The following TLK1 variants were observed in gnomAD, a reference collection of about 807,000 sequenced individuals.
The protein encoded by TLK1 is serine/threonine-protein kinase tousled-like 1.
A neutral mutation model predicts 105.3 loss-of-function variants in TLK1; 24 were observed. The observed-to-expected ratio is 0.23, with a 90% CI of 0.17 to 0.32. The LOEUF is 0.32. Among genes scored for constraint, TLK1 ranks in the 10% least tolerant of loss-of-function variants. The pLI, the probability that TLK1 is intolerant of heterozygous loss-of-function variation, is 1.00. For synonymous variants in TLK1, 321 were observed against 310.4 expected (o/e 1.03, Z -0.36); for missense variants, 558 against 910.5 (o/e 0.61, Z 4.98).
At chr2:171,161,148 G>T (rs1357224323), upstream of TLK1, among the ~76,000 whole-genome samples, 1 of 148,008 alleles carries the variant, frequency 6.8e-6, no homozygotes, top group Non-Finnish European at 1.5e-5. Context: ...CGGGGTTGCC[G>T]GACTCGCGTG....
intron 11 of TLK1, among the ~76,000 whole-genome samples, chr2:171,041,590 A>G (rs919088512): frequency 6.6e-6 from 1 of 152,200 alleles, no homozygotes; most frequent in Non-Finnish European, 1.5e-5. Flanking sequence ...TGAACTGCGC[A>G]TGCAAGGGAT....
intron 1 of TLK1, among the ~76,000 whole-genome samples, chr2:171,136,571 G>A (rs553368303): frequency 2.6e-5 from 4 of 152,150 alleles, no homozygotes; most frequent in Non-Finnish European, 4.4e-5. Context: ...GGACAAGACA[G>A]GACAGGAAAG....
intron 12 of TLK1, among the ~76,000 whole-genome samples, chr2:171,025,798 T>C (rs560826527): frequency 6.6e-5 from 10 of 152,242 alleles, no homozygotes; most frequent in Non-Finnish European, 1.2e-4. Context: ...ATGTAACTTA[T>C]TGCTTATTAT....
chr2:171,192,123 G>T (rs1437162736), intron 1 of TLK1, among the ~76,000 whole-genome samples: 1 of 151,988 alleles, frequency 6.6e-6, no homozygotes. Context: ...TGACCTCCCG[G>T]GCCCAGGTGA....
At chr2:171,188,744 G>T (rs1693085706) in intron 1 of TLK1, among the ~76,000 whole-genome samples, 2 of 150,512 alleles carry the variant, frequency 1.3e-5, no homozygotes, top group Admixed American at 6.6e-5. Flanking sequence ...GTAGGACGTG[G>T]TGGCACGTGG....
At chr2:171,198,384 T>C (rs1404144319) in intron 1 of TLK1, among the ~76,000 whole-genome samples, 2 of 152,230 alleles carry the variant, frequency 1.3e-5, no homozygotes, top group Non-Finnish European at 1.5e-5. Flanking sequence ...TGGTTCAACA[T>C]GGCCACTATA....
chr2:171,219,039 T>C (rs1323556623), intron 1 of TLK1, among the ~76,000 whole-genome samples: 1 of 152,168 alleles, frequency 6.6e-6, no homozygotes, highest in African/African-American at 2.4e-5. Context: ...AAGATCACAA[T>C]GATAGATTCA....
At chr2:171,109,346 TAAAAA>T (rs1405906142) in intron 2 of TLK1, among the ~76,000 whole-genome samples, 1 of 152,146 alleles carries the variant, frequency 6.6e-6, no homozygotes, top group African/African-American at 2.4e-5. Context: ...ACCCTTGTGT[TAAAAA>T]GGAAACAAAG....
At chr2:171,218,170 C>G (rs1326037512) in intron 1 of TLK1, among the ~76,000 whole-genome samples, 2 of 152,148 alleles carry the variant, frequency 1.3e-5, no homozygotes, top group African/African-American at 4.8e-5. Context: ...AGGAGAATTG[C>G]TTAAACCCAG....
At chr2:171,080,954 C>T (rs1444026164) in intron 3 of TLK1, among the ~76,000 whole-genome samples, 1 of 152,112 alleles carries the variant, frequency 6.6e-6, no homozygotes, top group Non-Finnish European at 1.5e-5. Context: ...AGCAATCCTG[C>T]CTAGGCCTCC....
At chr2:171,096,918 T>C (rs1019158204) in intron 2 of TLK1, among the ~76,000 whole-genome samples, 1 of 152,194 alleles carries the variant, frequency 6.6e-6, no homozygotes, top group African/African-American at 2.4e-5. Context: ...CAAAGTGATC[T>C]ACAGATTCAG....
intron 2 of TLK1, among the ~76,000 whole-genome samples, chr2:171,092,514 A>C (rs1363117179): frequency 6.6e-6 from 1 of 152,198 alleles, no homozygotes; most frequent in African/African-American, 2.4e-5. Flanking sequence ...CATCTCCCCA[A>C]ATATCTCTTT....
Position 171,072,342 on chromosome 2 carries a change from G to A in TLK1, c.330+10439C>T, listed in dbSNP as rs1376162380. On this transcript the variant is annotated intron_variant, in intron 3 of 20. Transcript: ENST00000431350. Reference sequence around the variant, plus strand: ...TGAGTAATGTCTAAAAGCTGGGTGCGGTGGCTCACGCCCATAATCTCAGCA... The same window carrying A: ...TGAGTAATGTCTAAAAGCTGGGTGCAGTGGCTCACGCCCATAATCTCAGCA... Among the ~76,000 whole-genome samples the A allele has an allele frequency of 5.3e-5, 8 of 152,216 alleles. No homozygotes were observed. In the East Asian group the frequency reaches 5.8e-4, roughly 11 times the overall value.
At chr2:171,107,473 T>C (rs1326569024) in intron 2 of TLK1, among the ~76,000 whole-genome samples, 1 of 152,226 alleles carries the variant, frequency 6.6e-6, no homozygotes, top group Admixed American at 6.5e-5. Flanking sequence ...GTTCTGATTC[T>C]ACATTAGCTG....
chr2:171,171,651 A>G (rs918717046), intron 1 of TLK1, among the ~76,000 whole-genome samples: 1 of 152,250 alleles, frequency 6.6e-6, no homozygotes, highest in African/African-American at 2.4e-5. Context: ...TAGTAGAAAC[A>G]AACAAAAACT....
Position 171,055,143 on chromosome 2 carries a change from T to C in TLK1, c.579A>G (p.Ala193=), listed in dbSNP as rs375501102. Reference sequence around the variant, plus strand: ...CAATAGGGTGGTCCCCAAATGCTAATGCAGTAGGAGAAGGGCTATTCGGTC... The same window carrying C: ...CAATAGGGTGGTCCCCAAATGCTAACGCAGTAGGAGAAGGGCTATTCGGTC... ...SVRPNSPSPT[A]LAFGDHPIVQ... Residue 193 remains alanine, a synonymous_variant, in exon 7 of 21, where the codon GCA becomes GCG. Transcript: ENST00000431350. 50 of 1,499,034 alleles carry C rather than the reference T, an allele frequency of 3.3e-5. No homozygotes were observed. The African/African-American group carries it at 6.6e-4, about 20-fold the overall frequency. 92.9% of individuals were successfully genotyped at this position (1,499,034 alleles called of 1,614,324 possible).
Position 171,061,165 on chromosome 2 carries a change from A to G in TLK1, c.331-9T>C. 4 of 1,612,310 alleles carry G rather than the reference A, an allele frequency of 2.5e-6. No individual in the cohort carries two copies. Among genetic ancestry groups the G allele is most frequent in the Non-Finnish European group, 2.5e-6 (3 of 1,179,260 alleles). ...TGTTTCTTCTCCGGTGTCTACAGAA[A>G]ACAAGATAACAGATTTTTAAATGAC... On this transcript the variant is annotated splice_polypyrimidine_tract_variant and intron_variant, in intron 3 of 20. Transcript: ENST00000431350.
At chr2:171,010,663 T>C (rs1478488883) in intron 14 of TLK1, among the ~76,000 whole-genome samples, 1 of 145,636 alleles carries the variant, frequency 6.9e-6, no homozygotes, top group Non-Finnish European at 1.5e-5. Context: ...ATAGTGAACA[T>C]GGGGAGTAAA....
At chr2:171,072,426 A>T (rs1382059679) in intron 3 of TLK1, among the ~76,000 whole-genome samples, 1 of 152,172 alleles carries the variant, frequency 6.6e-6, no homozygotes, top group African/African-American at 2.4e-5. Flanking sequence ...AGCCTGGCCA[A>T]CATGGTGAAA....
Sources: gnomAD v4.1 joint callset for allele counts (sites outside exome capture counted in the v4.1 genomes callset) on GRCh38, gnomAD v4.1.1 for gene constraint, MANE v1.5 for transcripts, NCBI Gene and HGNC (gene_info 2026-07-23, HGNC 2026-07-21) for gene names.